BRINP3: variants seen among roughly 807,000 people sequenced by gnomAD.
BRINP3 encodes BMP/retinoic acid-inducible neural-specific protein 3.
A neutral mutation model predicts 71.0 loss-of-function variants in BRINP3; 19 were observed. That is an observed-to-expected ratio of 0.27 (90% CI 0.19 to 0.39). The LOEUF (loss-of-function observed/expected upper bound fraction) is 0.39. BRINP3 is among the 10% of genes least tolerant of loss of function. BRINP3 has a pLI of 1.00. For missense variants in BRINP3, 959 were observed against 940.8 expected (o/e 1.02, Z -0.25); for synonymous variants, 380 against 337.7 (o/e 1.13, Z -1.37).
At chr1:190,455,354 A>G (rs1675914048) in intron 1 of BRINP3, among the ~76,000 whole-genome samples, 1 of 152,194 alleles carries the variant, frequency 6.6e-6, no homozygotes, top group South Asian at 2.1e-4. Flanking sequence ...ATCTTAAATA[A>G]ATGCTTTAAA....
chr1:190,288,106 GAATTTTGCTTA>G (rs1336377651), intron 2 of BRINP3, among the ~76,000 whole-genome samples: 2 of 151,868 alleles, frequency 1.3e-5, no homozygotes, highest in Non-Finnish European at 2.9e-5. Context: ...AAATATGTAA[GAATTTTGCTTA>G]AATTTTGCTT....
At chr1:190,272,579 G>A (rs1240695964) in intron 3 of BRINP3, among the ~76,000 whole-genome samples, 2 of 151,414 alleles carry the variant, frequency 1.3e-5, no homozygotes, top group African/African-American at 2.4e-5. Context: ...CCTAACAGTT[G>A]ATGAGGAAGT....
intron 2 of BRINP3, among the ~76,000 whole-genome samples, chr1:190,383,635 C>T (rs935593838): frequency 3.9e-5 from 6 of 151,940 alleles, no homozygotes; most frequent in Admixed American, 2.0e-4. Flanking sequence ...GAAAGGAGTC[C>T]TATTTGCCAC....
intron 5 of BRINP3, among the ~76,000 whole-genome samples, chr1:190,227,393 G>A (rs1290683261): frequency 2.0e-5 from 3 of 151,516 alleles, no homozygotes; most frequent in South Asian, 2.1e-4. Context: ...TTATATATTC[G>A]ATTTCATATT....
intron 6 of BRINP3, among the ~76,000 whole-genome samples, chr1:190,203,766 T>A (rs1421636671): frequency 1.1e-3 from 4 of 3,504 alleles, no homozygotes; most frequent in South Asian, 0.01. Flanking sequence ...TATATATATA[T>A]ATATATATAT....
chr1:190,389,413 T>C (rs1397397515), intron 2 of BRINP3, among the ~76,000 whole-genome samples: 1 of 151,860 alleles, frequency 6.6e-6, no homozygotes, highest in Non-Finnish European at 1.5e-5. Context: ...AATACTTTCC[T>C]ACTTCCAATA....
chr1:190,430,973 T>A (rs1160084800), intron 2 of BRINP3, among the ~76,000 whole-genome samples: 1 of 152,132 alleles, frequency 6.6e-6, no homozygotes, highest in East Asian at 1.9e-4. Context: ...TTTTTACTCA[T>A]CAAGCTTATT....
chr1:190,406,815 T>C (rs188505639), intron 2 of BRINP3, among the ~76,000 whole-genome samples: 4 of 152,328 alleles, frequency 2.6e-5, no homozygotes, highest in Admixed American at 2.6e-4. Flanking sequence ...TATTTAATAA[T>C]GAATTTAGTT....
rs200817653 is a variant in BRINP3 at position 190,396,998 on chromosome 1, T to C, written c.236+57657A>G. ...AGACAAAGGGGATGTATGACTTCCA[T>C]AACCACTAGGAGGTGGAAGTTAGGT... On this transcript the variant is annotated intron_variant, in intron 2 of 7. Transcript: ENST00000367462. 4.6e-5 allele frequency among the ~76,000 whole-genome samples: 7 copies of C among 151,784 alleles called. No individual in the cohort carries two copies. In the East Asian group the frequency reaches 1.4e-3, roughly 29 times the overall value.
intron 2 of BRINP3, among the ~76,000 whole-genome samples, chr1:190,387,756 C>T (rs1370929350): frequency 6.6e-6 from 1 of 151,816 alleles, no homozygotes; most frequent in East Asian, 1.9e-4. Context: ...TTTGATAACA[C>T]TAACTTTCTT....
At chr1:190,432,696 T>C (rs1033570961) in intron 2 of BRINP3, among the ~76,000 whole-genome samples, 14 of 152,182 alleles carry the variant, frequency 9.2e-5, no homozygotes, top group Non-Finnish European at 1.6e-4. Context: ...AGAGGCATGA[T>C]CCTGTTTTCA....
chr1:190,133,801 C>T (rs1378201053), intron 7 of BRINP3, among the ~76,000 whole-genome samples: 2 of 151,902 alleles, frequency 1.3e-5, no homozygotes, highest in African/African-American at 4.8e-5. Flanking sequence ...GAATGGAAGT[C>T]AGGATAAGGG....
At chr1:190,145,968 T>C (rs1655854463) in intron 7 of BRINP3, among the ~76,000 whole-genome samples, 1 of 152,066 alleles carries the variant, frequency 6.6e-6, no homozygotes, top group Non-Finnish European at 1.5e-5. Flanking sequence ...AAACCAAATA[T>C]CATATGTTCT....
intron 2 of BRINP3, among the ~76,000 whole-genome samples, chr1:190,428,295 C>A (rs974805918): frequency 2.0e-5 from 3 of 151,896 alleles, no homozygotes; most frequent in Non-Finnish European, 2.9e-5. Context: ...AATTTGTTAA[C>A]AGCAACAATA....
intron 7 of BRINP3, among the ~76,000 whole-genome samples, chr1:190,151,894 A>C (rs1040203227): frequency 2.6e-5 from 4 of 152,174 alleles, no homozygotes; most frequent in African/African-American, 9.6e-5. Context: ...ACTGGAGAAA[A>C]GATGACGTGA....
At chr1:190,446,312 A>G (rs1040468628) in intron 2 of BRINP3, among the ~76,000 whole-genome samples, 5 of 152,076 alleles carry the variant, frequency 3.3e-5, no homozygotes, top group African/African-American at 9.7e-5. Flanking sequence ...ATCACTACCT[A>G]GAATACTCCT....
At chr1:190,356,654 C>A (rs948286219) in intron 2 of BRINP3, among the ~76,000 whole-genome samples, 26 of 151,840 alleles carry the variant, frequency 1.7e-4, no homozygotes, top group African/African-American at 6.0e-4. Flanking sequence ...TGAGAATGAG[C>A]CTAACCAAAT....
At chr1:190,409,308 A>G (rs1672503746) in intron 2 of BRINP3, among the ~76,000 whole-genome samples, 2 of 152,200 alleles carry the variant, frequency 1.3e-5, no homozygotes, top group African/African-American at 4.8e-5. Flanking sequence ...TATTTTATTT[A>G]GTATACTGCC....
At chr1:190,221,779 C>A (rs1323728292) in intron 6 of BRINP3, among the ~76,000 whole-genome samples, 1 of 151,832 alleles carries the variant, frequency 6.6e-6, no homozygotes, top group African/African-American at 2.4e-5. Flanking sequence ...CTATATCAGA[C>A]AAAATAGATT....
Sources: gnomAD v4.1 joint callset for allele counts (sites outside exome capture counted in the v4.1 genomes callset) on GRCh38, gnomAD v4.1.1 for gene constraint, MANE v1.5 for transcripts, NCBI Gene and HGNC (gene_info 2026-07-23, HGNC 2026-07-21) for gene names.